Variants in PGAP4 observed in about 807,000 individuals in gnomAD.
PGAP4 encodes the protein GPI-N-acetylgalactosamine transferase PGAP4.
A neutral mutation model predicts 28.2 loss-of-function variants in PGAP4; 12 were observed. The observed-to-expected ratio is 0.42, with a 90% CI of 0.27 to 0.69. The LOEUF (loss-of-function observed/expected upper bound fraction) is 0.69, where lower values mean the gene tolerates loss of function less well. Among genes scored for constraint, PGAP4 ranks in the 30% least tolerant of loss-of-function variants. The pLI, the probability that PGAP4 is intolerant of heterozygous loss-of-function variation, is 0.22. For synonymous variants in PGAP4, 205 were observed against 211.8 expected (o/e 0.97, Z 0.28); for missense variants, 425 against 513.5 (o/e 0.83, Z 1.67).
intron 2 of PGAP4, among the ~76,000 whole-genome samples, chr9:101,515,721 ATAT>A (rs1208697203): frequency 1.3e-5 from 2 of 152,202 alleles, no homozygotes; most frequent in Non-Finnish European, 2.9e-5. Flanking sequence ...TTTATTTAGT[ATAT>A]TATGATTTAA....
chr9:101,495,629 A>G (rs1007310437), intron 2 of PGAP4, among the ~76,000 whole-genome samples: 2 of 149,452 alleles, frequency 1.3e-5, no homozygotes, highest in African/African-American at 2.4e-5. Context: ...ATGGCTAAAT[A>G]ACATGTATTT....
intron 2 of PGAP4, among the ~76,000 whole-genome samples, chr9:101,507,206 A>G (rs1401159172): frequency 1.3e-5 from 2 of 152,004 alleles, no homozygotes; most frequent in Non-Finnish European, 2.9e-5. Flanking sequence ...CTCTCTTGCA[A>G]TATGTGGATG....
chr9:101,492,418 T>G (rs1198125462), intron 2 of PGAP4, among the ~76,000 whole-genome samples: 1 of 152,198 alleles, frequency 6.6e-6, no homozygotes, highest in East Asian at 1.9e-4. Flanking sequence ...GGTCTTGATA[T>G]CCTGACCTCG....
chr9:101,528,629 C>T (rs766020959), intron 2 of PGAP4, among the ~76,000 whole-genome samples: 15 of 152,028 alleles, frequency 9.9e-5, no homozygotes, highest in Non-Finnish European at 1.6e-4. Context: ...AGTAGACCTA[C>T]CCAGTGAAAA....
In PGAP4 at chr9:101,474,797, C is replaced by A. The variant is rs180689325; in HGVS notation, c.*1084G>T. 9 of 152,072 alleles carry A rather than the reference C, an allele frequency of 5.9e-5. No homozygotes were observed. The highest frequency in any genetic ancestry group is 1.0e-4 in the Non-Finnish European group (7 of 67,992). 9.4% of individuals were successfully genotyped at this position (152,072 alleles called of 1,614,324 possible). On this transcript the variant is annotated 3_prime_UTR_variant, in exon 2 of 2. Coordinates refer to ENST00000374848, the MANE Select transcript of PGAP4 (RefSeq NM_032342.3). ...GCGTCTTCTATGGACTAAGCACTTG[C>A]TAGGTGTTTTACATATATTCTGCCA...
chr9:101,496,434 G>T (rs985642734), intron 2 of PGAP4, among the ~76,000 whole-genome samples: 1 of 151,338 alleles, frequency 6.6e-6, no homozygotes, highest in Non-Finnish European at 1.5e-5. Context: ...ATCAAAACTT[G>T]TAATTTTAGT....
intron 2 of PGAP4, among the ~76,000 whole-genome samples, chr9:101,525,892 T>A: frequency 6.6e-6 from 1 of 152,284 alleles, no homozygotes; most frequent in East Asian, 1.9e-4. Context: ...TACAAATTGA[T>A]TCTAAAAATT....
intron 2 of PGAP4, among the ~76,000 whole-genome samples, chr9:101,509,510 G>C (rs1826877186): frequency 1.3e-5 from 2 of 152,084 alleles, no homozygotes; most frequent in South Asian, 4.1e-4. Context: ...AGTGGCTCTT[G>C]TAATTCAAAA....
intron 2 of PGAP4, among the ~76,000 whole-genome samples, chr9:101,504,211 T>TTG: frequency 1.7e-5 from 1 of 59,750 alleles, no homozygotes; most frequent in African/African-American, 8.9e-5. Flanking sequence ...GTGTGTTTGT[T>TTG]TTTTTTTTTT....
In PGAP4 at chr9:101,473,219, C is replaced by T. The variant is rs578070809; in HGVS notation, c.*2662G>A. The stretch of plus-strand genomic sequence containing the variant: ...TTTTCACAGACATGTCTATGCAATA[C>T]ACTCAGTCACAAGAGAGAGCTTCTT... On this transcript the variant is annotated 3_prime_UTR_variant, in exon 2 of 2. Coordinates refer to ENST00000374848, the MANE Select transcript of PGAP4 (RefSeq NM_032342.3). 6.6e-6 allele frequency: 1 copy of T among 152,202 alleles called. No individual in the cohort carries two copies. Among genetic ancestry groups the T allele is most frequent in the Non-Finnish European group, 1.5e-5 (1 of 68,036 alleles). 9.4% of individuals were successfully genotyped at this position (152,202 alleles called of 1,614,324 possible). A position where few individuals can be genotyped will look rare whatever the true frequency, so the allele number is the denominator to read the frequency against.
chr9:101,497,910 G>C (rs1320144989), intron 2 of PGAP4, among the ~76,000 whole-genome samples: 1 of 151,570 alleles, frequency 6.6e-6, no homozygotes, highest in East Asian at 1.9e-4. Flanking sequence ...CACAAACAAA[G>C]AGCTTATAGT....
upstream of PGAP4, among the ~76,000 whole-genome samples, chr9:101,490,819 A>C (rs73501266): frequency 6.6e-6 from 1 of 152,162 alleles, no homozygotes; most frequent in African/African-American, 2.4e-5. Flanking sequence ...TGGGGCTTGG[A>C]AGAAAAAAAT....
rs1481500244 is a variant in PGAP4, at chr9:101,525,632, C to T, written c.-165+5716G>A. On this transcript the variant is annotated intron_variant, in intron 2 of 3. Coordinates refer to the PGAP4 transcript ENST00000374851. ...TAAGGAAGAGAGAATCACTTGAACC[C>T]GAGAGGCGGAGCTTGCAGTGAGACA... 6.8e-5 allele frequency among the ~76,000 whole-genome samples: 10 copies of T among 147,104 alleles called. No homozygotes were observed. The East Asian group carries it at 1.2e-3, about 18-fold the overall frequency.
chr9:101,505,159 C>G (rs745463393), intron 2 of PGAP4, among the ~76,000 whole-genome samples: 10 of 152,058 alleles, frequency 6.6e-5, no homozygotes, highest in Non-Finnish European at 1.5e-4. Context: ...GTAAGCCTAT[C>G]TTTTTCACAT....
chr9:101,519,401 C>G (rs1826968354), intron 2 of PGAP4, among the ~76,000 whole-genome samples: 1 of 152,094 alleles, frequency 6.6e-6, no homozygotes, highest in Non-Finnish European at 1.5e-5. Context: ...TCAGGCAATC[C>G]ACCTGCCTCC....
chr9:101,505,644 T>C (rs1826843066), intron 2 of PGAP4, among the ~76,000 whole-genome samples: 1 of 152,124 alleles, frequency 6.6e-6, no homozygotes, highest in Non-Finnish European at 1.5e-5. Flanking sequence ...GAGTGACTTC[T>C]GATCTTTGGA....
Position 101,531,807 on chromosome 9 carries a change from T to C in PGAP4, c.-376-248A>G, listed in dbSNP as rs75745994. Among the ~76,000 whole-genome samples, 1,113 of 152,322 alleles carry C rather than the reference T, an allele frequency of 7.3e-3. 10 individuals are homozygous for C. The highest frequency in any genetic ancestry group is 0.026 in the African/African-American group (1,074 of 41,570). On this transcript the variant is annotated intron_variant, in intron 1 of 3. Coordinates refer to the PGAP4 transcript ENST00000374851. ...TAGCTGTTGGGTAGATCACCAATAA[T>C]GTCCACCAGACACTTACGTAGTACC...
chr9:101,503,308 T>C (rs1826819590), intron 2 of PGAP4, among the ~76,000 whole-genome samples: 1 of 152,056 alleles, frequency 6.6e-6, no homozygotes, highest in Non-Finnish European at 1.5e-5. Flanking sequence ...TCAATCCTGG[T>C]CCTCCTTCTT....
At chr9:101,492,048 T>C (rs955091869), upstream of PGAP4, among the ~76,000 whole-genome samples, 24 of 151,916 alleles carry the variant, frequency 1.6e-4, no homozygotes, top group African/African-American at 5.8e-4. Context: ...CTATCAATTA[T>C]AGGAAAAGTC....
Sources: allele counts gnomAD v4.1 joint callset (sites outside exome capture counted in the v4.1 genomes callset), GRCh38; gene constraint gnomAD v4.1.1; transcripts MANE v1.5; gene names NCBI Gene and HGNC (gene_info 2026-07-23, HGNC 2026-07-21).